Variants in OPRM1 observed in about 807,000 individuals in gnomAD.
OPRM1 encodes opioid receptor mu 1.
In OPRM1, 27 loss-of-function variants were observed where a neutral mutation model predicts 31.8. The ratio of observed to expected loss-of-function variants is 0.85; its 90% CI spans 0.63 to 1.17. The LOEUF (loss-of-function observed/expected upper bound fraction) is 1.17, where lower values mean the gene tolerates loss of function less well. Among genes scored for constraint, OPRM1 ranks in the 50% most tolerant of loss-of-function variants. OPRM1 has a pLI of 0.00. For synonymous variants in OPRM1, 196 were observed against 189.9 expected (o/e 1.03, Z -0.26); for missense variants, 536 against 511.1 (o/e 1.05, Z -0.47).
chr6:154,202,040 T>C (rs1279734104), intron 3 of OPRM1, among the ~76,000 whole-genome samples: 1 of 152,190 alleles, frequency 6.6e-6, no homozygotes, highest in Non-Finnish European at 1.5e-5. Context: ...TCCAAATCAA[T>C]ATGGTCCCCA....
chr6:154,082,514 G>A (rs1789402525), intron 1 of OPRM1, among the ~76,000 whole-genome samples: 1 of 152,050 alleles, frequency 6.6e-6, no homozygotes, highest in Non-Finnish European at 1.5e-5. Flanking sequence ...TTCTAATATT[G>A]ATAATGATGA....
chr6:154,141,112 T>C (rs1201744907), intron 3 of OPRM1, among the ~76,000 whole-genome samples: 2 of 152,216 alleles, frequency 1.3e-5, no homozygotes, highest in African/African-American at 2.4e-5. Flanking sequence ...TTGGATGCAA[T>C]ACATTTAGCT....
intron 3 of OPRM1, among the ~76,000 whole-genome samples, chr6:154,144,748 CAAAAAAAA>C (rs58367883): frequency 4.3e-5 from 3 of 70,488 alleles, no homozygotes; most frequent in Admixed American, 1.8e-4. Flanking sequence ...GACTCTGTCT[CAAAAAAAA>C]AAAAAAAAAA....
chr6:154,035,485 A>C (rs1583162267), upstream of OPRM1, among the ~76,000 whole-genome samples: 1 of 152,270 alleles, frequency 6.6e-6, no homozygotes, highest in Non-Finnish European at 1.5e-5. Context: ...CAAATACATA[A>C]AATGTTCCTC....
intron 3 of OPRM1, among the ~76,000 whole-genome samples, chr6:154,229,631 C>T (rs990278522): frequency 4.6e-5 from 7 of 152,080 alleles, no homozygotes; most frequent in African/African-American, 1.7e-4. Context: ...GCTGGGATTA[C>T]AGGCGTGAGC....
rs1373079159 is a variant in OPRM1, at chr6:154,160,071, T to C, written c.1164+68599T>C. The C allele has an allele frequency of 2.0e-6, 3 of 1,526,140 alleles. No homozygotes were observed. In the African/African-American group the frequency reaches 4.1e-5, roughly 21 times the overall value. The allele number at this position is 1,526,140 out of a possible 1,614,324, so 94.5% of individuals were successfully genotyped here. ...TGAGTAGAAAAAAAGGGGAAGGGGG[T>C]ATGTTGAGAGTGTCTTAATTTACAT... On this transcript the variant is annotated intron_variant, in intron 3 of 3. Transcript: ENST00000337049.
chr6:154,159,655 A>C (rs1798854496), intron 3 of OPRM1: 1 of 616,394 alleles, frequency 1.6e-6, no homozygotes, highest in Admixed American at 3.2e-5. Flanking sequence ...GACTGAAATG[A>C]GGAGCCCTGG....
Position 154,123,912 on chromosome 6 carries a change from G to A in OPRM1, c.*5191G>A, listed in dbSNP as rs143173246. Among the ~76,000 whole-genome samples the A allele has an allele frequency of 1.3e-3, 196 of 152,196 alleles. No individual in the cohort carries two copies. Among genetic ancestry groups the A allele is most frequent in the Non-Finnish European group, 2.1e-3 (145 of 68,012 alleles). On this transcript the variant is annotated 3_prime_UTR_variant, in exon 4 of 4. Coordinates refer to ENST00000330432, the MANE Select transcript of OPRM1 (RefSeq NM_000914.5). ...ACATCCTTTTATCAGTAAGATCTTC[G>A]TGACCTGTACCTTGTGCCAACCTCC... is the stretch of plus-strand genomic sequence containing the variant.
At chr6:154,155,028 T>A (rs1283960206) in intron 3 of OPRM1, 1 of 152,176 alleles carries the variant, frequency 6.6e-6, no homozygotes, top group Non-Finnish European at 1.5e-5. Context: ...AAAAAAAAAT[T>A]CAAATACAAT....
chr6:154,223,142 G>C, intron 3 of OPRM1: 2 of 1,566,994 alleles, frequency 1.3e-6, no homozygotes, highest in Non-Finnish European at 1.8e-6. Context: ...CTGGCTCAGA[G>C]TTTTGTGGAA....
chr6:154,055,115 C>T lies in OPRM1; in HGVS notation c.290+15281C>T, dbSNP rs529691229. On this transcript the variant is annotated intron_variant, in intron 1 of 3. Coordinates refer to ENST00000330432, the MANE Select transcript of OPRM1 (RefSeq NM_000914.5). The stretch of plus-strand genomic sequence containing the variant: ...GTGCTCTGTAAAGCTTGGCTGGGCG[C>T]ATTGGCTCATGCCTGTAATCCCAGC... Among the ~76,000 whole-genome samples, 7 of 152,350 alleles carry T rather than the reference C, an allele frequency of 4.6e-5. No individual in the cohort carries two copies. The South Asian group carries it at 1.2e-3, about 27-fold the overall frequency.
At chr6:154,105,081 C>T (rs1361576794) in intron 3 of OPRM1, among the ~76,000 whole-genome samples, 3 of 152,172 alleles carry the variant, frequency 2.0e-5, no homozygotes, top group African/African-American at 7.2e-5. Context: ...CAGTCAAAGC[C>T]TTGGTAAGAT....
At chr6:154,092,293 A>G (rs510587) in intron 3 of OPRM1, among the ~76,000 whole-genome samples, 146,334 of 152,254 alleles carry the variant, frequency 0.96, 70,364 homozygotes, top group East Asian at 1. Flanking sequence ...GTATTACTTG[A>G]TTAAGCCACT....
chr6:154,169,703 A>G (rs1444545987), intron 3 of OPRM1, among the ~76,000 whole-genome samples: 5 of 152,108 alleles, frequency 3.3e-5, no homozygotes, highest in Admixed American at 2.0e-4. Context: ...CTCGGCCCAC[A>G]TGATTGCAGT....
chr6:154,056,927 G>C (rs1783423260), intron 1 of OPRM1, among the ~76,000 whole-genome samples: 1 of 152,136 alleles, frequency 6.6e-6, no homozygotes, highest in Non-Finnish European at 1.5e-5. Context: ...TTAAATATGA[G>C]CATGTTAAAG....
At chr6:154,021,199 C>T (rs1314414451) in intron 1 of OPRM1, among the ~76,000 whole-genome samples, 4 of 152,300 alleles carry the variant, frequency 2.6e-5, no homozygotes, top group South Asian at 2.1e-4. Flanking sequence ...TTGTTCAGCA[C>T]CATTTGTTGA....
intron 1 of OPRM1, among the ~76,000 whole-genome samples, chr6:154,068,517 G>A (rs1411020374): frequency 6.6e-6 from 1 of 152,014 alleles, no homozygotes; most frequent in Non-Finnish European, 1.5e-5. Flanking sequence ...GTTGACCCAC[G>A]GTCACAAATG....
In OPRM1 at chr6:154,039,266, C is replaced by G. The variant is rs200293056; in HGVS notation, c.-279C>G. On this transcript the variant is annotated 5_prime_UTR_variant, in exon 1 of 4. Coordinates refer to ENST00000330432, the MANE Select transcript of OPRM1 (RefSeq NM_000914.5). ...TCCCTCCCTTCCAGCCTCCGAATCCCGCATGGCCCACGCTCCCCTCCTGCA... is the reference window on the plus strand; with the variant it reads ...TCCCTCCCTTCCAGCCTCCGAATCCGGCATGGCCCACGCTCCCCTCCTGCA... 1.4e-5 allele frequency: 21 copies of G among 1,551,580 alleles called. No individual in the cohort carries two copies. Among genetic ancestry groups the G allele is most frequent in the African/African-American group, 4.1e-5 (3 of 73,040 alleles).
chr6:154,138,154 ATTC>A (rs1325044531), intron 3 of OPRM1, among the ~76,000 whole-genome samples: 2 of 152,184 alleles, frequency 1.3e-5, no homozygotes, highest in Non-Finnish European at 2.9e-5. Context: ...TTACTAGCAT[ATTC>A]TTAAACTCTC....
Sources: allele counts gnomAD v4.1 joint callset (sites outside exome capture counted in the v4.1 genomes callset), GRCh38; gene constraint gnomAD v4.1.1; transcripts MANE v1.5; gene names NCBI Gene and HGNC (gene_info 2026-07-23, HGNC 2026-07-21).